Variants in PHIP observed in about 807,000 individuals in gnomAD.
PHIP encodes PH-interacting protein.
PHIP carries 54 observed loss-of-function variants against 236.8 expected under a neutral mutation model. The observed-to-expected ratio is 0.23, with a 90% CI of 0.18 to 0.29. The LOEUF (loss-of-function observed/expected upper bound fraction) is 0.29. Ranked by LOEUF, PHIP falls within the 10% of genes least tolerant of loss-of-function variation. The pLI, the probability that PHIP is intolerant of heterozygous loss-of-function variation, is 1.00. For synonymous variants in PHIP, 756 were observed against 718.9 expected (o/e 1.05, Z -0.83); for missense variants, 1,370 against 2,190.8 (o/e 0.63, Z 7.48).
chr6:79,040,210 T>C (rs925035988), intron 7 of PHIP, among the ~76,000 whole-genome samples: 5 of 152,024 alleles, frequency 3.3e-5, no homozygotes, highest in African/African-American at 1.2e-4. Context: ...CCCTCTCTCT[T>C]TAGGTGATGA....
intron 35 of PHIP, among the ~76,000 whole-genome samples, chr6:78,953,600 G>A (rs970944043): frequency 6.6e-5 from 10 of 152,084 alleles, no homozygotes; most frequent in African/African-American, 1.9e-4. Context: ...AATTTATCAC[G>A]CCGCTGGAAT....
chr6:79,077,525 C>A lies in PHIP; in HGVS notation c.130-18G>T. The A allele has an allele frequency of 6.6e-7, 1 of 1,504,398 alleles. No individual in the cohort carries two copies. The highest frequency in any genetic ancestry group is 1.2e-5 in the South Asian group (1 of 82,376). 93.2% of individuals were successfully genotyped at this position (1,504,398 alleles called of 1,614,324 possible). ...GGCAGCAGCTGCGGGGAGAGGACAC[C>A]CCGTGAGCCCGGCCCCCGGCCCCTA... On this transcript the variant is annotated intron_variant, in intron 3 of 39. Coordinates refer to ENST00000275034, the MANE Select transcript of PHIP (RefSeq NM_017934.7).
chr6:79,013,221 A>G (rs1339899676), intron 15 of PHIP, among the ~76,000 whole-genome samples: 1 of 151,754 alleles, frequency 6.6e-6, no homozygotes, highest in East Asian at 1.9e-4. Flanking sequence ...AGGAGGTAAA[A>G]TATGTGGGAG....
At chr6:79,076,162 C>T (rs1774148523) in intron 4 of PHIP, among the ~76,000 whole-genome samples, 1 of 152,118 alleles carries the variant, frequency 6.6e-6, no homozygotes, top group South Asian at 2.1e-4. Flanking sequence ...TTATCAACAT[C>T]TTATATTAAA....
At chr6:78,957,344 T>C (rs1002806631) in intron 32 of PHIP, 7 of 151,920 alleles carry the variant, frequency 4.6e-5, no homozygotes, top group Non-Finnish European at 8.8e-5. Flanking sequence ...AGGATAATGC[T>C]TAATTACTAA....
At position 78,936,585 on chromosome 6, in the gene PHIP, TA is replaced by T. The variant is rs934157055; in HGVS notation, c.*4107del. ...TGCACTAAGTATTTGGTCTGTGCCA[TA>T]AGGTTAATTTCCTGATAATTTTTAT... On this transcript the variant is annotated 3_prime_UTR_variant, in exon 40 of 40. Transcript: ENST00000275034. The T allele has an allele frequency of 6.6e-6, 1 of 151,882 alleles. No homozygotes were observed. Among genetic ancestry groups the T allele is most frequent in the African/African-American group, 2.4e-5 (1 of 41,434 alleles). 9.4% of individuals were successfully genotyped at this position (151,882 alleles called of 1,614,324 possible).
intron 22 of PHIP, among the ~76,000 whole-genome samples, chr6:78,985,135 A>C (rs535949659): frequency 2.6e-3 from 402 of 152,144 alleles, no homozygotes; most frequent in Non-Finnish European, 5.0e-3. Flanking sequence ...TAAGATGATA[A>C]AGTTAAAAGC....
chr6:79,009,528 GGTATATTTT>G (rs1770465150), intron 15 of PHIP, among the ~76,000 whole-genome samples: 3 of 151,814 alleles, frequency 2.0e-5, no homozygotes, highest in Non-Finnish European at 4.4e-5. Context: ...TATCCCTTAA[GGTATATTTT>G]GTATATTTTG....
intron 6 of PHIP, among the ~76,000 whole-genome samples, chr6:79,050,252 A>G (rs953180488): frequency 3.3e-5 from 5 of 152,186 alleles, no homozygotes; most frequent in Non-Finnish European, 7.4e-5. Flanking sequence ...AGAGAATAAC[A>G]GCTAGTATTT....
chr6:78,948,793 C>T (rs557065558), intron 35 of PHIP, among the ~76,000 whole-genome samples: 1 of 152,300 alleles, frequency 6.6e-6, no homozygotes, highest in East Asian at 1.9e-4. Flanking sequence ...CACACCTGGC[C>T]TGCAGCTTTT....
intron 6 of PHIP, among the ~76,000 whole-genome samples, chr6:79,059,796 A>G (rs1773274300): frequency 6.6e-6 from 1 of 151,662 alleles, no homozygotes; most frequent in African/African-American, 2.4e-5. Flanking sequence ...GTCTCTGAAA[A>G]TTAGGAGTAC....
Position 79,003,793 on chromosome 6 carries a change from T to C in PHIP, c.1590A>G (p.Ala530=). 1 of 1,611,048 alleles carries C rather than the reference T, an allele frequency of 6.2e-7. No homozygotes were observed. The change falls in exon 16 of 40, where the codon GCA becomes GCG. Residue 530 remains alanine (A), a synonymous_variant. Transcript: ENST00000275034. The part of the protein sequence containing the change: ...CKCSPDGQHF[A]CTDSHGHLLI... ...AAAGATGTCCATGAGAGTCTGTGCATGCAAAATGCTGACCATCAGGAGAGC... is the reference window on the plus strand; with the variant it reads ...AAAGATGTCCATGAGAGTCTGTGCACGCAAAATGCTGACCATCAGGAGAGC...
intron 35 of PHIP, 83 bp from the exon 36 acceptor site, chr6:78,947,858 T>C: frequency 1.1e-6 from 1 of 884,186 alleles, no homozygotes. Flanking sequence ...ACAGGATTTT[T>C]ATGATGACTG....
chr6:79,075,667 T>C (rs965079967), intron 4 of PHIP, among the ~76,000 whole-genome samples: 1 of 143,730 alleles, frequency 7.0e-6, no homozygotes, highest in East Asian at 2.1e-4. Context: ...ATGATATTCC[T>C]ACGAGGATTA....
chr6:79,076,124 CCTTG>C (rs1582332671), intron 4 of PHIP, among the ~76,000 whole-genome samples: 1 of 152,122 alleles, frequency 6.6e-6, no homozygotes, highest in African/African-American at 2.4e-5. Flanking sequence ...ACCTCAGTAC[CCTTG>C]CTTATTTCAA....
At chr6:79,077,996 G>C in intron 1 of PHIP, 33 bp downstream of exon 1, 2 of 1,603,660 alleles carry the variant, frequency 1.2e-6, no homozygotes, top group South Asian at 1.1e-5. Context: ...GGAATCGCCC[G>C]GTGCCAGCGG....
At chr6:78,975,364 G>T (rs142211567) in intron 24 of PHIP, among the ~76,000 whole-genome samples, 16,138 of 152,078 alleles carry the variant, frequency 0.11, 885 homozygotes, top group Middle Eastern at 0.19. Context: ...GGTATTGATG[G>T]GACATATTTC....
chr6:79,029,835 G>A (rs1394511133), intron 7 of PHIP, among the ~76,000 whole-genome samples: 2 of 152,076 alleles, frequency 1.3e-5, no homozygotes, highest in Admixed American at 1.3e-4. Flanking sequence ...AATAAATGAG[G>A]AAGAATGAAT....
Position 79,077,907 on chromosome 6 carries a change from TAGAGC to T in PHIP, c.42_46del (p.Tyr16ProfsTer56). ...TTCCAGGAACCGGGCGATGAGGAAG[TAGAGC>T]TCTGCGCGGGAGAGAGGGACGGGGA... On this transcript the variant is annotated frameshift_variant and splice_region_variant, in exon 2 of 40. Coordinates refer to ENST00000275034, the MANE Select transcript of PHIP (RefSeq NM_017934.7). LOFTEE classifies it high-confidence loss of function. 6.3e-7 allele frequency: 1 copy of T among 1,593,314 alleles called. No homozygotes were observed. Among genetic ancestry groups the T allele is most frequent in the Non-Finnish European group, 8.5e-7 (1 of 1,171,268 alleles).
Sources: gnomAD v4.1 joint callset for allele counts (sites outside exome capture counted in the v4.1 genomes callset) on GRCh38, gnomAD v4.1.1 for gene constraint, MANE v1.5 for transcripts, NCBI Gene and HGNC (gene_info 2026-07-23, HGNC 2026-07-21) for gene names.